Variants in DNAAF11 observed in about 807,000 individuals in gnomAD.
DNAAF11 encodes dynein axonemal assembly factor 11.
DNAAF11 carries 45 observed loss-of-function variants against 60.8 expected under a neutral mutation model. The ratio of observed to expected loss-of-function variants is 0.74; its 90% CI spans 0.58 to 0.95. DNAAF11 has a LOEUF of 0.95. DNAAF11 is among the 40% of genes least tolerant of loss of function. DNAAF11 has a pLI of 0.00. For synonymous variants in DNAAF11, 191 were observed against 183.5 expected, an observed-to-expected ratio of 1.04 and a Z score of -0.33; for missense variants, 546 against 546.2, an observed-to-expected ratio of 1.00 and a Z score of 0.00.
intron 7 of DNAAF11, among the ~76,000 whole-genome samples, chr8:132,617,163 A>G (rs915716329): frequency 6.6e-6 from 1 of 152,162 alleles, no homozygotes; most frequent in Admixed American, 6.5e-5. Context: ...ACAAGTCTTG[A>G]GCTCAGAGAA....
At chr8:132,602,482 A>G (rs1048606291) in intron 10 of DNAAF11, among the ~76,000 whole-genome samples, 2 of 152,068 alleles carry the variant, frequency 1.3e-5, no homozygotes, top group Non-Finnish European at 2.9e-5. Flanking sequence ...CAGCATTCCC[A>G]TACTTCCCAA....
At position 132,638,123 on chromosome 8, in the gene DNAAF11, A is replaced by C. The variant is rs1361528128; in HGVS notation, c.257-16T>G. The C allele has an allele frequency of 6.2e-7, 1 of 1,607,220 alleles. No individual in the cohort carries two copies. Among genetic ancestry groups the C allele is most frequent in the Admixed American group, 1.7e-5 (1 of 59,154 alleles). On this transcript the variant is annotated splice_polypyrimidine_tract_variant and intron_variant, in intron 3 of 11. Transcript: ENST00000620350. ...TCTTCACATCCTGTTGAGAAAAATA[A>C]AGTGAAAACAAAGCAAACAAAGAAA...
At chr8:132,672,011 T>G (rs1259813083) in intron 1 of DNAAF11, among the ~76,000 whole-genome samples, 2 of 152,040 alleles carry the variant, frequency 1.3e-5, no homozygotes, top group Non-Finnish European at 2.9e-5. Context: ...AAATTAAACT[T>G]CAAAATTTAA....
chr8:132,654,666 C>A (rs1482229768), intron 3 of DNAAF11, among the ~76,000 whole-genome samples: 1 of 149,454 alleles, frequency 6.7e-6, no homozygotes, highest in African/African-American at 2.5e-5. Flanking sequence ...AACAACACTG[C>A]TATATAACTA....
chr8:132,633,527 G>A (rs1487334014), intron 4 of DNAAF11, among the ~76,000 whole-genome samples: 1 of 152,148 alleles, frequency 6.6e-6, no homozygotes, highest in Non-Finnish European at 1.5e-5. Context: ...ACAGTTTAAA[G>A]ATACCTATTT....
chr8:132,581,661 C>CA (rs59380140), intron 11 of DNAAF11, among the ~76,000 whole-genome samples: 2,481 of 82,750 alleles, frequency 0.03, 42 homozygotes, highest in Non-Finnish European at 0.043. Context: ...GACTCTGCCT[C>CA]AAAAAAAAAA....
chr8:132,653,962 A>G (rs1333194463), intron 3 of DNAAF11, among the ~76,000 whole-genome samples: 1 of 152,116 alleles, frequency 6.6e-6, no homozygotes, highest in Non-Finnish European at 1.5e-5. Context: ...TAAAAGGCAG[A>G]GATTGACAGG....
chr8:132,578,414 T>C (rs1003925388), intron 11 of DNAAF11: 18 of 1,481,582 alleles, frequency 1.2e-5, no homozygotes, highest in Admixed American at 2.8e-5. Flanking sequence ...TCACCTTTGC[T>C]TTCCCCGCCT....
At chr8:132,635,774 T>C (rs1019072146) in intron 4 of DNAAF11, among the ~76,000 whole-genome samples, 2 of 152,214 alleles carry the variant, frequency 1.3e-5, no homozygotes, top group African/African-American at 2.4e-5. Flanking sequence ...AGGGTCACTA[T>C]GGATATAATT....
At chr8:132,634,788 TATAA>T (rs1227088923) in intron 4 of DNAAF11, among the ~76,000 whole-genome samples, 2 of 148,496 alleles carry the variant, frequency 1.3e-5, no homozygotes, top group African/African-American at 4.9e-5. Context: ...ATAATTTATA[TATAA>T]ATATATATTA....
chr8:132,656,845 T>C lies in DNAAF11; in HGVS notation c.241A>G (p.Ile81Val), dbSNP rs780450662. ...LNLALNNIEK[I>V]ENLEGCEELA... is the part of the protein sequence containing the mutation. ...ACAGTCTTACCTTCCAAGTTTTCTATTTTTTCAATGTTGTTTAAAGCTAAA... is the reference window on the plus strand; with the variant it reads ...ACAGTCTTACCTTCCAAGTTTTCTACTTTTTCAATGTTGTTTAAAGCTAAA... The change falls in exon 3 of 12, where the codon ATA (isoleucine) becomes GTA (valine). Residue 81 changes from isoleucine (I) to valine (V), a missense_variant. Physicochemically the swap from Ile to Val is conservative, Grantham distance 29. Transcript: ENST00000620350. 1.5e-6 allele frequency: 2 copies of C among 1,343,974 alleles called. No individual in the cohort carries two copies. Among genetic ancestry groups the C allele is most frequent in the South Asian group, 2.5e-5 (2 of 78,886 alleles). The allele number at this position is 1,343,974 out of a possible 1,614,324, so 83.3% of individuals were successfully genotyped here. A position where few individuals can be genotyped will look rare whatever the true frequency, so the allele number is the denominator to read the frequency against.
intron 10 of DNAAF11, among the ~76,000 whole-genome samples, chr8:132,588,807 G>T (rs774969956): frequency 3.3e-5 from 5 of 152,132 alleles, no homozygotes; most frequent in Non-Finnish European, 5.9e-5. Context: ...TTCTGGGAAG[G>T]CCTCAGGAAA....
intron 7 of DNAAF11, among the ~76,000 whole-genome samples, chr8:132,616,905 G>A (rs1022066075): frequency 2.6e-5 from 4 of 152,254 alleles, no homozygotes; most frequent in East Asian, 1.9e-4. Flanking sequence ...TCCTTCCACT[G>A]CAGGCTGGGG....
chr8:132,575,492 G>T (rs2130950506), intron 11 of DNAAF11, among the ~76,000 whole-genome samples: 1 of 152,242 alleles, frequency 6.6e-6, no homozygotes, highest in Admixed American at 6.5e-5. Context: ...AGTAAGACAT[G>T]GTGTATGCCC....
chr8:132,663,845 G>A (rs989123488), intron 1 of DNAAF11, among the ~76,000 whole-genome samples: 6 of 152,206 alleles, frequency 3.9e-5, no homozygotes, highest in Admixed American at 1.3e-4. Flanking sequence ...ATATCCCAAC[G>A]CCTAAGGGAT....
chr8:132,586,547 G>A (rs749030502), intron 10 of DNAAF11, among the ~76,000 whole-genome samples: 4 of 152,124 alleles, frequency 2.6e-5, no homozygotes, highest in Admixed American at 1.3e-4. Context: ...CCAACTACCC[G>A]TAATTCCTCT....
intron 10 of DNAAF11, among the ~76,000 whole-genome samples, chr8:132,584,544 G>A (rs1195853405): frequency 6.6e-6 from 1 of 152,124 alleles, no homozygotes; most frequent in African/African-American, 2.4e-5. Context: ...ATGAGACAGG[G>A]ATTGCTAGCA....
chr8:132,653,568 A>G (rs1424158066), intron 3 of DNAAF11, among the ~76,000 whole-genome samples: 1 of 152,150 alleles, frequency 6.6e-6, no homozygotes, highest in Non-Finnish European at 1.5e-5. Context: ...AGAAATAATT[A>G]TAAATCTATG....
chr8:132,686,620 C>G, the DNAAF11 span, among the ~76,000 whole-genome samples: 1 of 152,028 alleles, frequency 6.6e-6, no homozygotes, highest in Non-Finnish European at 1.5e-5. Context: ...GCAGCAGACA[C>G]CCAGGTAGAT....
Sources: allele counts gnomAD v4.1 joint callset (sites outside exome capture counted in the v4.1 genomes callset), GRCh38; gene constraint gnomAD v4.1.1; transcripts MANE v1.5; gene names NCBI Gene and HGNC (gene_info 2026-07-23, HGNC 2026-07-21).